Variants in AXDND1 observed in about 807,000 individuals in gnomAD.
AXDND1 encodes the protein axonemal dynein light chain domain containing 1.
A neutral mutation model predicts 137.5 loss-of-function variants in AXDND1; 110 were observed. The ratio of observed to expected loss-of-function variants is 0.80; its 90% confidence interval spans 0.69 to 0.94. The LOEUF is 0.94. Ranked by LOEUF, AXDND1 falls within the 40% of genes least tolerant of loss-of-function variation. AXDND1 has a pLI of 0.00. For missense variants in AXDND1, 1,191 were observed against 1,169.8 expected (o/e 1.02, Z -0.26); for synonymous variants, 414 against 399.7 (o/e 1.04, Z -0.43).
intron 17 of AXDND1, among the ~76,000 whole-genome samples, chr1:179,471,445 T>C (rs1663922988): frequency 6.6e-6 from 1 of 152,186 alleles, no homozygotes; most frequent in Admixed American, 6.5e-5. Context: ...GTGTGTGTCT[T>C]TCTAGAAATT....
In AXDND1 at chr1:179,488,634, C is replaced by CTCTTCTTTCTTTCTTTCTTTCTTTTT. The variant is rs376189496; in HGVS notation, c.2092-2904_2092-2903insTCTTCTTTCTTTCTTTCTTTCTTTTT. On this transcript the variant is annotated intron_variant, in intron 18 of 25. Coordinates refer to ENST00000367618, the MANE Select transcript of AXDND1 (RefSeq NM_144696.6). ...TTTCTTTCTTTCTCTCTCTCTCTCTCCTTTCTTTCTTTCTTTCTTTCTTTC... is the reference window on the plus strand; with the variant it reads ...TTTCTTTCTTTCTCTCTCTCTCTCTCTCTTCTTTCTTTCTTTCTTTCTTTTTCTTTCTTTCTTTCTTTCTTTCTTTC... 1.9e-5 allele frequency among the ~76,000 whole-genome samples: 2 copies of CTCTTCTTTCTTTCTTTCTTTCTTTTT among 105,172 alleles called. 1 individual carries two copies. Among genetic ancestry groups the CTCTTCTTTCTTTCTTTCTTTCTTTTT allele is most frequent in the African/African-American group, 7.8e-5 (2 of 25,576 alleles). 69.0% of individuals were successfully genotyped at this position (105,172 alleles called of 152,430 possible).
intron 20 of AXDND1, among the ~76,000 whole-genome samples, chr1:179,504,648 T>A (rs1668356384): frequency 6.6e-6 from 1 of 152,194 alleles, no homozygotes. Context: ...GGAAGCCTTG[T>A]GCTATGGCCA....
intron 12 of AXDND1, among the ~76,000 whole-genome samples, chr1:179,415,343 AAAAACAAAAC>A (rs1316968426): frequency 6.6e-6 from 1 of 152,142 alleles, no homozygotes; most frequent in African/African-American, 2.4e-5. Context: ...CTGCATCTCA[AAAAACAAAAC>A]AAAACAAAAC....
At chr1:179,448,959 T>G (rs992882639) in intron 16 of AXDND1, 7 of 288,438 alleles carry the variant, frequency 2.4e-5, no homozygotes, top group African/African-American at 1.4e-4. Context: ...TGATCTTGTC[T>G]CATTGCAGTC....
chr1:179,432,048 A>G (rs765974196), intron 14 of AXDND1, among the ~76,000 whole-genome samples: 1 of 152,214 alleles, frequency 6.6e-6, no homozygotes, highest in Non-Finnish European at 1.5e-5. Flanking sequence ...CTTGTGGCCC[A>G]TGGCCCTGTA....
chr1:179,414,339 G>A (rs899719292), intron 12 of AXDND1, among the ~76,000 whole-genome samples: 2 of 151,988 alleles, frequency 1.3e-5, no homozygotes, highest in African/African-American at 4.8e-5. Flanking sequence ...ACTAAAAGGA[G>A]AGCTGTATAG....
chr1:179,459,823 TTTTC>T lies in AXDND1; in HGVS notation c.1799-8616_1799-8613del, dbSNP rs1661994800. On this transcript the variant is annotated intron_variant, in intron 16 of 25. Coordinates refer to ENST00000367618, the MANE Select transcript of AXDND1 (RefSeq NM_144696.6). ...TCTTTCTTTCCTTCCTTCCTTCTCTTTTTCTTTTCTTTTCTTTCCCTTCCTTCCT... is the reference window on the plus strand; with the variant it reads ...TCTTTCTTTCCTTCCTTCCTTCTCTTTTTTCTTTTCTTTCCCTTCCTTCCT... 1.4e-5 allele frequency among the ~76,000 whole-genome samples: 2 copies of T among 143,254 alleles called. 1 individual carries two copies. Among genetic ancestry groups the T allele is most frequent in the South Asian group, 4.5e-4 (2 of 4,464 alleles). The allele number at this position is 143,254 out of a possible 152,430, so 94.0% of individuals were successfully genotyped here.
chr1:179,554,015 C>T (rs12736545), intron 25 of AXDND1, among the ~76,000 whole-genome samples: 30,736 of 150,572 alleles, frequency 0.2, 3,756 homozygotes, highest in Non-Finnish European at 0.27. Flanking sequence ...CGGGTTCAAG[C>T]GATTCTTCTG....
chr1:179,464,992 G>C (rs138137817), intron 16 of AXDND1, among the ~76,000 whole-genome samples: 17 of 151,694 alleles, frequency 1.1e-4, no homozygotes, highest in Admixed American at 2.6e-4. Context: ...TCTGTACACT[G>C]TTTATTTTAG....
Position 179,554,694 on chromosome 1 carries a change from T to A in AXDND1, c.*175T>A. 1.1e-6 allele frequency: 1 copy of A among 907,346 alleles called. No individual in the cohort carries two copies. The highest frequency in any genetic ancestry group is 1.8e-6 in the Non-Finnish European group (1 of 567,452). 56.2% of individuals were successfully genotyped at this position (907,346 alleles called of 1,614,324 possible). A position where few individuals can be genotyped will look rare whatever the true frequency, so the allele number is the denominator to read the frequency against. ...TCACAGTGCCTTGCAAAGAGTTGTT[T>A]AACTTGCATGGTGCCACCCAATAAA... On this transcript the variant is annotated 3_prime_UTR_variant, in exon 26 of 26. Transcript: ENST00000367618.
At chr1:179,512,082 A>G (rs1214752419) in intron 21 of AXDND1, among the ~76,000 whole-genome samples, 1 of 151,968 alleles carries the variant, frequency 6.6e-6, no homozygotes, top group Non-Finnish European at 1.5e-5. Flanking sequence ...AGCCCCAGCT[A>G]TTTATCTTTG....
chr1:179,432,767 G>A (rs374536075), intron 15 of AXDND1, among the ~76,000 whole-genome samples: 67 of 152,120 alleles, frequency 4.4e-4, no homozygotes, highest in African/African-American at 1.5e-3. Context: ...GGCCGGGCAC[G>A]GTGGCTCACA....
intron 18 of AXDND1, among the ~76,000 whole-genome samples, chr1:179,491,160 C>T (rs1666852041): frequency 6.6e-6 from 1 of 151,986 alleles, no homozygotes; most frequent in Admixed American, 6.6e-5. Context: ...CCCATTTCTA[C>T]AAAAAACACA....
intron 21 of AXDND1, among the ~76,000 whole-genome samples, chr1:179,518,302 A>G (rs898657407): frequency 6.6e-6 from 1 of 151,586 alleles, no homozygotes; most frequent in Non-Finnish European, 1.5e-5. Flanking sequence ...TTGATTTTCT[A>G]TTCTTTTCTA....
At chr1:179,527,283 A>G (rs997452687) in intron 22 of AXDND1, among the ~76,000 whole-genome samples, 5 of 152,060 alleles carry the variant, frequency 3.3e-5, no homozygotes, top group Middle Eastern at 6.8e-3. Context: ...ACCAGAGGTC[A>G]CTCTTGTGGC....
chr1:179,461,062 C>A (rs1010071676), intron 16 of AXDND1, among the ~76,000 whole-genome samples: 2 of 152,132 alleles, frequency 1.3e-5, no homozygotes, highest in East Asian at 1.9e-4. Context: ...TTAATTAGAT[C>A]TCATTTGTCA....
chr1:179,459,186 T>TA (rs1661848733), intron 16 of AXDND1, among the ~76,000 whole-genome samples: 1 of 152,192 alleles, frequency 6.6e-6, no homozygotes, highest in Non-Finnish European at 1.5e-5. Context: ...TACTTACCTA[T>TA]AATGTCCAGG....
chr1:179,521,638 T>C (rs1670067264), intron 21 of AXDND1, among the ~76,000 whole-genome samples: 1 of 152,150 alleles, frequency 6.6e-6, no homozygotes, highest in Non-Finnish European at 1.5e-5. Flanking sequence ...GTCTCAGATA[T>C]CCACCTTGGG....
chr1:179,472,126 ACCTTGTGATCCAC>A (rs1485639487), intron 17 of AXDND1, among the ~76,000 whole-genome samples: 1 of 152,080 alleles, frequency 6.6e-6, no homozygotes, highest in Admixed American at 6.5e-5. Context: ...CGAATTCCTG[ACCTTGTGATCCAC>A]CCACCTTGAC....
Sources: allele counts gnomAD v4.1 joint callset (sites outside exome capture counted in the v4.1 genomes callset), GRCh38; gene constraint gnomAD v4.1.1; transcripts MANE v1.5; gene names NCBI Gene and HGNC (gene_info 2026-07-23, HGNC 2026-07-21).